The following SYN3 variants were observed in gnomAD, a reference collection of about 807,000 sequenced individuals.
SYN3 encodes the protein synapsin-3.
Under a neutral mutation model 65.8 loss-of-function variants are expected in SYN3, and 35 were observed. The observed-to-expected ratio is 0.53, with a 90% CI of 0.41 to 0.70. The LOEUF is 0.70. Among genes scored for constraint, SYN3 ranks in the 30% least tolerant of loss-of-function variants. The pLI, the probability that SYN3 is intolerant of heterozygous loss-of-function variation, is 0.00. For synonymous variants in SYN3, 270 were observed against 292.9 expected, an observed-to-expected ratio of 0.92 and a Z score of 0.80; for missense variants, 680 against 749.0, an observed-to-expected ratio of 0.91 and a Z score of 1.08.
intron 6 of SYN3, among the ~76,000 whole-genome samples, chr22:32,817,861 G>A (rs112328617): frequency 0.024 from 3,674 of 152,226 alleles, 60 homozygotes; most frequent in South Asian, 0.038. Context: ...GGACATACCG[G>A]TGCAACCCCA....
At chr22:33,041,864 T>C (rs1219733948) in intron 1 of SYN3, among the ~76,000 whole-genome samples, 1 of 152,096 alleles carries the variant, frequency 6.6e-6, no homozygotes. Context: ...TCTCTCCCCC[T>C]GCCAAAGGAA....
chr22:32,684,734 A>G (rs2060568075), intron 6 of SYN3, among the ~76,000 whole-genome samples: 1 of 152,214 alleles, frequency 6.6e-6, no homozygotes, highest in Non-Finnish European at 1.5e-5. Context: ...CTACACGTTC[A>G]TGAAAAGGGG....
intron 6 of SYN3, among the ~76,000 whole-genome samples, chr22:32,649,022 C>A (rs764748320): frequency 2.0e-5 from 3 of 152,190 alleles, no homozygotes; most frequent in Non-Finnish European, 4.4e-5. Flanking sequence ...TTGATTGTAT[C>A]ATCGTTCCTA....
intron 6 of SYN3, among the ~76,000 whole-genome samples, chr22:32,716,620 T>C (rs1239259816): frequency 6.6e-6 from 1 of 152,028 alleles, no homozygotes; most frequent in East Asian, 1.9e-4. Context: ...AACCTCTGCC[T>C]CCCAAGTTCA....
chr22:32,594,170 T>C (rs904130294), intron 7 of SYN3, among the ~76,000 whole-genome samples: 4 of 151,580 alleles, frequency 2.6e-5, no homozygotes, highest in African/African-American at 7.3e-5. Context: ...CATAGGATGA[T>C]GGTTAAAGAG....
intron 4 of SYN3, among the ~76,000 whole-genome samples, chr22:32,926,790 C>A (rs1391055579): frequency 6.6e-6 from 1 of 152,204 alleles, no homozygotes; most frequent in Non-Finnish European, 1.5e-5. Flanking sequence ...AAATATTTAA[C>A]AACTCCCAGA....
At chr22:33,036,469 A>G (rs1403434016) in intron 1 of SYN3, among the ~76,000 whole-genome samples, 1 of 152,186 alleles carries the variant, frequency 6.6e-6, no homozygotes, top group African/African-American at 2.4e-5. Flanking sequence ...CTAAACCTCC[A>G]GCAGAAAGGA....
intron 4 of SYN3, among the ~76,000 whole-genome samples, chr22:32,922,038 G>C (rs977700921): frequency 1.5e-4 from 23 of 152,200 alleles, no homozygotes; most frequent in African/African-American, 2.4e-5. Context: ...GACCATCTAT[G>C]ATGGGCACTT....
chr22:32,740,881 G>A (rs1469724505), intron 6 of SYN3, among the ~76,000 whole-genome samples: 3 of 152,166 alleles, frequency 2.0e-5, no homozygotes, highest in South Asian at 4.1e-4. Flanking sequence ...ATCCAAAGAA[G>A]GATCAAATGA....
chr22:33,036,500 C>T lies in SYN3; in HGVS notation c.-163+21792G>A, dbSNP rs554003099. ...AAGGACAGAAATTAATCACTGATAA[C>T]TTTAAACCCTCATCAGCCCAAGGCA... On this transcript the variant is annotated intron_variant, in intron 1 of 13. Coordinates refer to ENST00000358763, the MANE Select transcript of SYN3 (RefSeq NM_003490.4). Among the ~76,000 whole-genome samples, 17 of 152,194 alleles carry T rather than the reference C, an allele frequency of 1.1e-4. No individual in the cohort carries two copies. The South Asian group carries it at 3.3e-3, about 30-fold the overall frequency.
At chr22:33,030,372 A>G (rs1490094452) in intron 1 of SYN3, among the ~76,000 whole-genome samples, 1 of 152,202 alleles carries the variant, frequency 6.6e-6, no homozygotes, top group Non-Finnish European at 1.5e-5. Flanking sequence ...ATGAGGGGAA[A>G]ACACCAGTCA....
In SYN3 at chr22:32,745,607, T is replaced by C. The variant is rs560694524; in HGVS notation, c.711+119308A>G. 3.9e-5 allele frequency among the ~76,000 whole-genome samples: 6 copies of C among 152,252 alleles called. No individual in the cohort carries two copies. The South Asian group carries it at 1.2e-3, about 32-fold the overall frequency. On this transcript the variant is annotated intron_variant, in intron 6 of 13. Coordinates refer to ENST00000358763, the MANE Select transcript of SYN3 (RefSeq NM_003490.4). ...GCAAGACGCAGCCACTGCACGGCCC[T>C]GGGTTAGTCACAGCAAAGGTATTTG...
At chr22:32,932,785 T>C (rs1417783876) in intron 3 of SYN3, among the ~76,000 whole-genome samples, 1 of 152,170 alleles carries the variant, frequency 6.6e-6, no homozygotes, top group Non-Finnish European at 1.5e-5. Flanking sequence ...GCTGCTGTAA[T>C]AGGTGGCTTA....
chr22:32,566,488 G>A (rs1176340343), intron 7 of SYN3, among the ~76,000 whole-genome samples: 2 of 152,198 alleles, frequency 1.3e-5, no homozygotes, highest in Non-Finnish European at 2.9e-5. Context: ...GACAAAGGAG[G>A]AAAGGCAGCC....
chr22:32,778,332 A>G (rs1193231217), intron 6 of SYN3, among the ~76,000 whole-genome samples: 1 of 152,082 alleles, frequency 6.6e-6, no homozygotes, highest in East Asian at 1.9e-4. Context: ...CCCTGTCACC[A>G]GGCTGGAGTG....
intron 6 of SYN3, among the ~76,000 whole-genome samples, chr22:32,782,921 C>G (rs1474988572): frequency 6.6e-6 from 1 of 152,166 alleles, no homozygotes; most frequent in Non-Finnish European, 1.5e-5. Flanking sequence ...TGAGAAGGAG[C>G]AATTCTCTAT....
intron 4 of SYN3, among the ~76,000 whole-genome samples, chr22:32,900,513 A>G (rs961272517): frequency 6.6e-6 from 1 of 152,226 alleles, no homozygotes; most frequent in Non-Finnish European, 1.5e-5. Flanking sequence ...TGAACAACAA[A>G]AACAACAAAA....
chr22:32,817,923 T>G (rs2047130437), intron 6 of SYN3, among the ~76,000 whole-genome samples: 2 of 152,210 alleles, frequency 1.3e-5, no homozygotes, highest in Admixed American at 1.3e-4. Context: ...TGTTCTATAC[T>G]TCTCTTACAT....
At chr22:32,684,435 C>A (rs2060563881) in intron 6 of SYN3, among the ~76,000 whole-genome samples, 1 of 152,162 alleles carries the variant, frequency 6.6e-6, no homozygotes, top group African/African-American at 2.4e-5. Flanking sequence ...TTTCCTTTTT[C>A]TCTTAACTAC....
Sources: allele counts gnomAD v4.1 joint callset (sites outside exome capture counted in the v4.1 genomes callset), GRCh38; gene constraint gnomAD v4.1.1; transcripts MANE v1.5; gene names NCBI Gene and HGNC (gene_info 2026-07-23, HGNC 2026-07-21).